EPHA6: variants seen among roughly 807,000 people sequenced by gnomAD.
EPHA6 encodes ephrin type-A receptor 6.
Under a neutral mutation model 112.0 loss-of-function variants are expected in EPHA6, and 50 were observed. That is an observed-to-expected ratio of 0.45 (90% confidence interval 0.36 to 0.56). The LOEUF is 0.56. Among genes scored for constraint, EPHA6 ranks in the 20% least tolerant of loss-of-function variants. The pLI, the probability that EPHA6 is intolerant of heterozygous loss-of-function variation, is 0.00. For missense variants in EPHA6, 1,280 were observed against 1,417.4 expected (o/e 0.90, Z 1.56); for synonymous variants, 529 against 490.7 (o/e 1.08, Z -1.03).
chr3:97,073,336 A>T (rs1425459979), intron 3 of EPHA6, among the ~76,000 whole-genome samples: 2 of 152,078 alleles, frequency 1.3e-5, no homozygotes, highest in East Asian at 3.9e-4. Flanking sequence ...TTATTAAGCA[A>T]TGTCATAACC....
intron 3 of EPHA6, among the ~76,000 whole-genome samples, chr3:97,092,097 T>A (rs1487969596): frequency 2.6e-4 from 36 of 138,946 alleles, no homozygotes; most frequent in South Asian, 4.6e-4. Flanking sequence ...TTTTTTTTTT[T>A]AAAAAAAAAA....
At chr3:97,332,912 CT>C (rs911979183) in intron 5 of EPHA6, among the ~76,000 whole-genome samples, 122 of 151,138 alleles carry the variant, frequency 8.1e-4, no homozygotes, top group Admixed American at 2.2e-3. Flanking sequence ...CCATTTTATT[CT>C]TTTTTTTTGT....
At chr3:97,218,919 C>G (rs561969130) in intron 3 of EPHA6, among the ~76,000 whole-genome samples, 1 of 151,958 alleles carries the variant, frequency 6.6e-6, no homozygotes, top group South Asian at 2.1e-4. Flanking sequence ...GGTAAATACA[C>G]CCATTCCAAA....
At chr3:97,339,856 G>C (rs951260273) in intron 5 of EPHA6, among the ~76,000 whole-genome samples, 5 of 151,016 alleles carry the variant, frequency 3.3e-5, no homozygotes, top group Admixed American at 2.6e-4. Context: ...CTGTGAAGTG[G>C]ACAGGTGGCC....
At chr3:97,512,667 G>A (rs374321908) in intron 10 of EPHA6, among the ~76,000 whole-genome samples, 7 of 152,174 alleles carry the variant, frequency 4.6e-5, no homozygotes, top group African/African-American at 9.6e-5. Context: ...GGGTTCAAGC[G>A]AGTCTCCTGT....
intron 2 of EPHA6, among the ~76,000 whole-genome samples, chr3:96,900,039 A>G (rs1402190756): frequency 6.6e-6 from 1 of 152,188 alleles, no homozygotes; most frequent in African/African-American, 2.4e-5. Context: ...GGGAAAGTAA[A>G]GTATTACACA....
At chr3:97,659,674 C>G (rs1478735636) in intron 14 of EPHA6, among the ~76,000 whole-genome samples, 1 of 151,922 alleles carries the variant, frequency 6.6e-6, no homozygotes, top group African/African-American at 2.4e-5. Flanking sequence ...TAACGTAACA[C>G]AGTAATTTTC....
intron 3 of EPHA6, among the ~76,000 whole-genome samples, chr3:97,102,070 GC>G (rs2047419839): frequency 6.6e-6 from 1 of 152,064 alleles, no homozygotes. Flanking sequence ...CAGAAGCCTT[GC>G]CCCTTTTCTC....
At chr3:97,438,004 T>C (rs80130039) in intron 6 of EPHA6, among the ~76,000 whole-genome samples, 18,816 of 152,162 alleles carry the variant, frequency 0.12, 3,729 homozygotes, top group African/African-American at 0.41. Flanking sequence ...GATCTAAAAC[T>C]TTAAGAATGA....
intron 2 of EPHA6, among the ~76,000 whole-genome samples, chr3:96,971,529 T>C (rs1353055137): frequency 6.6e-6 from 1 of 152,116 alleles, no homozygotes; most frequent in Admixed American, 6.6e-5. Flanking sequence ...ACTACATGCC[T>C]AGCAGCAGAA....
intron 3 of EPHA6, among the ~76,000 whole-genome samples, chr3:97,150,651 G>A (rs1021731): frequency 0.078 from 11,902 of 152,050 alleles, 759 homozygotes; most frequent in Admixed American, 0.22. Flanking sequence ...CTCTGATCCA[G>A]GGATCTCATG....
chr3:97,565,076 C>T (rs1270113774), intron 11 of EPHA6, among the ~76,000 whole-genome samples: 8 of 151,924 alleles, frequency 5.3e-5, no homozygotes, highest in African/African-American at 1.5e-4. Context: ...AGATCAGAAT[C>T]GAGTCTAGGG....
chr3:96,900,303 A>G (rs779038474), intron 2 of EPHA6, among the ~76,000 whole-genome samples: 1 of 152,210 alleles, frequency 6.6e-6, no homozygotes, highest in Non-Finnish European at 1.5e-5. Flanking sequence ...TGGGATGACT[A>G]TGCAAAATGG....
intron 2 of EPHA6, among the ~76,000 whole-genome samples, chr3:96,892,355 G>C (rs2038013199): frequency 1.3e-5 from 2 of 151,920 alleles, no homozygotes; most frequent in Admixed American, 1.3e-4. Flanking sequence ...TGAGTCGCTG[G>C]GACTACAGGT....
At chr3:97,708,633 G>A (rs2033804694) in intron 14 of EPHA6, among the ~76,000 whole-genome samples, 1 of 152,212 alleles carries the variant, frequency 6.6e-6, no homozygotes, top group Non-Finnish European at 1.5e-5. Context: ...AGACAATGGG[G>A]AAAATGTCTC....
chr3:97,153,264 A>G (rs952250565), intron 3 of EPHA6, among the ~76,000 whole-genome samples: 1 of 152,056 alleles, frequency 6.6e-6, no homozygotes, highest in South Asian at 2.1e-4. Context: ...AATTTTTTTC[A>G]AAGTGCTTGA....
At chr3:96,892,011 G>A (rs138881526) in intron 2 of EPHA6, among the ~76,000 whole-genome samples, 3 of 152,296 alleles carry the variant, frequency 2.0e-5, no homozygotes, top group Admixed American at 1.3e-4. Flanking sequence ...GACAGCTTTA[G>A]AGTTGGAAAG....
chr3:97,511,047 G>GCAAACCCCAGCAGAC (rs1560085426), intron 10 of EPHA6, among the ~76,000 whole-genome samples: 2 of 152,144 alleles, frequency 1.3e-5, no homozygotes, highest in Non-Finnish European at 1.5e-5. Flanking sequence ...CCCCCACCAA[G>GCAAACCCCAGCAGAC]CTGGAGCATC....
intron 5 of EPHA6, among the ~76,000 whole-genome samples, chr3:97,269,113 A>G (rs1484214663): frequency 6.6e-6 from 1 of 151,936 alleles, no homozygotes; most frequent in Non-Finnish European, 1.5e-5. Context: ...GGGAGCCACC[A>G]CTCCCTATTT....
Sources: allele counts gnomAD v4.1 joint callset (sites outside exome capture counted in the v4.1 genomes callset), GRCh38; gene constraint gnomAD v4.1.1; transcripts MANE v1.5; gene names NCBI Gene and HGNC (gene_info 2026-07-23, HGNC 2026-07-21).